KIDINS220: variants seen among roughly 807,000 people sequenced by gnomAD.
KIDINS220 encodes the protein kinase D interacting substrate 220, also known as kinase D-interacting substrate of 220 kDa.
KIDINS220 carries 63 observed loss-of-function variants against 157.6 expected under a neutral mutation model. The observed-to-expected ratio is 0.40, with a 90% CI of 0.33 to 0.49. The LOEUF (loss-of-function observed/expected upper bound fraction) is 0.49, where lower values mean the gene tolerates loss of function less well. Ranked by LOEUF, KIDINS220 falls within the 20% of genes least tolerant of loss-of-function variation. The pLI is 0.66. For synonymous variants in KIDINS220, 732 were observed against 783.6 expected (o/e 0.93, Z 1.10); for missense variants, 1,772 against 2,171.2 (o/e 0.82, Z 3.65).
intron 4 of KIDINS220, among the ~76,000 whole-genome samples, chr2:8,816,106 TA>T (rs1279292054): frequency 6.6e-6 from 1 of 152,178 alleles, no homozygotes; most frequent in Admixed American, 6.5e-5. Flanking sequence ...AAAGCCAAAA[TA>T]AAGAACCTTT....
At position 8,756,830 on chromosome 2, in the gene KIDINS220, C is replaced by T. The variant is rs777909401; in HGVS notation, c.3012-5186G>A. Among the ~76,000 whole-genome samples, 4 of 152,268 alleles carry T rather than the reference C, an allele frequency of 2.6e-5. No homozygotes were observed. The South Asian group carries it at 8.3e-4, about 32-fold the overall frequency. On this transcript the variant is annotated intron_variant, in intron 22 of 29. Coordinates refer to ENST00000256707, the MANE Select transcript of KIDINS220 (RefSeq NM_020738.4). ...CATACTGGGGGTTTGGGCTTCAACA[C>T]GAAAATTTTGGCAGGACACAAACAT...
intron 17 of KIDINS220, among the ~76,000 whole-genome samples, chr2:8,780,063 A>G (rs1671487802): frequency 6.6e-6 from 1 of 152,248 alleles, no homozygotes; most frequent in Admixed American, 6.5e-5. Context: ...TGTTCTAAAA[A>G]GAACAAACTG....
At chr2:8,728,790 T>G (rs780577992), downstream of KIDINS220, 7 of 943,462 alleles carry the variant, frequency 7.4e-6, no homozygotes, top group Non-Finnish European at 8.8e-6. Context: ...TTCAGAACAC[T>G]TCTGCCAACT....
chr2:8,782,356 G>A lies in KIDINS220; in HGVS notation c.2230-2542C>T, dbSNP rs138730560. The stretch of plus-strand genomic sequence containing the variant: ...ATTCAGAAAAACAACAAATAAAAGA[G>A]AGGCTACCACTTTAGACCTACCTCA... On this transcript the variant is annotated intron_variant, in intron 17 of 29. Transcript: ENST00000256707. 9.9e-5 allele frequency among the ~76,000 whole-genome samples: 15 copies of A among 152,112 alleles called. No homozygotes were observed. The East Asian group carries it at 2.9e-3, about 29-fold the overall frequency.
intron 22 of KIDINS220, among the ~76,000 whole-genome samples, chr2:8,762,959 G>A (rs1332227682): frequency 1.3e-5 from 2 of 152,104 alleles, no homozygotes; most frequent in African/African-American, 4.8e-5. Flanking sequence ...GCATTTATTT[G>A]AGATTTTATA....
chr2:8,785,935 T>C lies in KIDINS220; in HGVS notation c.2035A>G (p.Ile679Val), dbSNP rs775472753. 1.9e-6 allele frequency: 3 copies of C among 1,614,046 alleles called. No individual in the cohort carries two copies. Among genetic ancestry groups the C allele is most frequent in the East Asian group, 2.2e-5 (1 of 44,886 alleles). ...AGATGCTTTGGGTCAACTCTAAATA[T>C]AGCCAGAAGAGTAATTCCAGATATA... ...CIISGITLLA[I>V]FRVDPKHLTV... The change falls in exon 17 of 30, where the codon ATA (isoleucine) becomes GTA (valine). Residue 679 changes from isoleucine (I) to valine (V), a missense_variant. Ile to Val is a conservative substitution (Grantham distance 29). Coordinates refer to ENST00000256707, the MANE Select transcript of KIDINS220 (RefSeq NM_020738.4).
intron 27 of KIDINS220, among the ~76,000 whole-genome samples, chr2:8,736,240 A>G (rs999478962): frequency 4.6e-5 from 7 of 152,258 alleles, no homozygotes; most frequent in African/African-American, 1.7e-4. Context: ...TTAGTGAAAT[A>G]CCTACTATAA....
At chr2:8,833,907 G>A (rs145621433) in intron 1 of KIDINS220, among the ~76,000 whole-genome samples, 9 of 152,228 alleles carry the variant, frequency 5.9e-5, no homozygotes, top group Admixed American at 2.0e-4. Context: ...AAGGCCAATC[G>A]GTTAATAGAC....
In KIDINS220 at chr2:8,730,973, T is replaced by C. The variant is rs1663988339; in HGVS notation, c.5063A>G (p.Asn1688Ser). Residue 1688 changes from asparagine (N) to serine (S), a missense_variant, in exon 30 of 30, where the codon AAT (asparagine) becomes AGT (serine). By Grantham distance (46) the Asn-to-Ser change is conservative (BLOSUM62 1). Coordinates refer to ENST00000256707, the MANE Select transcript of KIDINS220 (RefSeq NM_020738.4). ...ATTGGCTCTGTTGGCTGGAGCACTA[T>C]TGTTGTTCAGAGTCACGGTGCTGGG... The part of the protein sequence containing the change: ...RTPSTVTLNN[N>S]SAPANRANQN... 1.9e-6 allele frequency: 3 copies of C among 1,614,224 alleles called. No individual in the cohort carries two copies. Among genetic ancestry groups the C allele is most frequent in the Non-Finnish European group, 2.5e-6 (3 of 1,180,030 alleles).
At chr2:8,813,636 T>G (rs766983529) in intron 4 of KIDINS220, among the ~76,000 whole-genome samples, 102 of 152,304 alleles carry the variant, frequency 6.7e-4, no homozygotes, top group Non-Finnish European at 1.1e-3. Context: ...CAAAAATATT[T>G]CTTCAGGCTG....
At chr2:8,808,717 C>T (rs1280134944) in intron 6 of KIDINS220, among the ~76,000 whole-genome samples, 1 of 152,214 alleles carries the variant, frequency 6.6e-6, no homozygotes, top group Admixed American at 6.5e-5. Flanking sequence ...CACCCAGGCC[C>T]TTACTCAATA....
chr2:8,781,308 A>G (rs1330049369), intron 17 of KIDINS220, among the ~76,000 whole-genome samples: 4 of 151,892 alleles, frequency 2.6e-5, no homozygotes, highest in Admixed American at 2.0e-4. Flanking sequence ...AGATAAATCC[A>G]CTATCATAGC....
chr2:8,821,754 T>C (rs1158603601), intron 2 of KIDINS220, among the ~76,000 whole-genome samples: 1 of 152,220 alleles, frequency 6.6e-6, no homozygotes, highest in Admixed American at 6.5e-5. Flanking sequence ...AAGGCTGCCA[T>C]AAAGTTTTAT....
At chr2:8,796,969 G>T in intron 10 of KIDINS220, 100 bp from the exon 11 acceptor site, 1 of 875,310 alleles carries the variant, frequency 1.1e-6, no homozygotes, top group Non-Finnish European at 1.9e-6. Flanking sequence ...TCTGGTAACA[G>T]CCTATATTTA....
intron 1 of KIDINS220, among the ~76,000 whole-genome samples, 197 bp downstream of exon 1, chr2:8,837,283 C>T (rs1240301592): frequency 6.6e-6 from 1 of 152,156 alleles, no homozygotes; most frequent in Non-Finnish European, 1.5e-5. Flanking sequence ...CGGACTCGCC[C>T]CGAAAGCCGG....
chr2:8,767,388 G>A (rs1669621814), intron 22 of KIDINS220, among the ~76,000 whole-genome samples: 1 of 152,092 alleles, frequency 6.6e-6, no homozygotes, highest in Admixed American at 6.6e-5. Context: ...AAAATAGCAT[G>A]CATTAAACAG....
intron 11 of KIDINS220, among the ~76,000 whole-genome samples, chr2:8,795,093 G>T (rs1238966979): frequency 2.0e-5 from 3 of 152,142 alleles, no homozygotes; most frequent in Non-Finnish European, 2.9e-5. Context: ...AGTCCATTTT[G>T]ACTTCAGCTT....
chr2:8,805,582 C>G (rs2148341723), intron 7 of KIDINS220, among the ~76,000 whole-genome samples: 1 of 152,236 alleles, frequency 6.6e-6, no homozygotes, highest in Middle Eastern at 3.4e-3. Context: ...CCAAATATAA[C>G]CAAAGATACT....
At chr2:8,745,330 C>A (rs1397385975) in intron 26 of KIDINS220, among the ~76,000 whole-genome samples, 1 of 152,112 alleles carries the variant, frequency 6.6e-6, no homozygotes, top group Admixed American at 6.5e-5. Context: ...GATTAAAGAT[C>A]CTGTAAGCAC....
Sources: gnomAD v4.1 joint callset for allele counts (sites outside exome capture counted in the v4.1 genomes callset) on GRCh38, gnomAD v4.1.1 for gene constraint, MANE v1.5 for transcripts, NCBI Gene and HGNC (gene_info 2026-07-23, HGNC 2026-07-21) for gene names.